The following ADGRB3 variants were observed in gnomAD, a reference collection of about 807,000 sequenced individuals.
The protein encoded by ADGRB3 is brain-specific angiogenesis inhibitor 3.
In ADGRB3, 37 loss-of-function variants were observed where a neutral mutation model predicts 193.4. The ratio of observed to expected loss-of-function variants is 0.19; its 90% CI spans 0.15 to 0.25. The LOEUF (loss-of-function observed/expected upper bound fraction) is 0.25, where lower values mean the gene tolerates loss of function less well. ADGRB3 is among the 10% of genes least tolerant of loss of function. The pLI, the probability that ADGRB3 is intolerant of heterozygous loss-of-function variation, is 1.00. For missense variants in ADGRB3, 1,637 were observed against 1,852.9 expected, an observed-to-expected ratio of 0.88 and a Z score of 2.14; for synonymous variants, 690 against 644.2, an observed-to-expected ratio of 1.07 and a Z score of -1.08.
At chr6:69,044,456 C>T (rs1771182366) in intron 13 of ADGRB3, among the ~76,000 whole-genome samples, 2 of 152,182 alleles carry the variant, frequency 1.3e-5, no homozygotes, top group South Asian at 2.1e-4. Flanking sequence ...AATTATTATC[C>T]TGCTTTGATG....
intron 15 of ADGRB3, among the ~76,000 whole-genome samples, chr6:69,054,557 T>C (rs1373298355): frequency 6.6e-6 from 1 of 152,188 alleles, no homozygotes; most frequent in African/African-American, 2.4e-5. Context: ...CTTTTTAGAA[T>C]GTCTTCTCAT....
intron 17 of ADGRB3, among the ~76,000 whole-genome samples, chr6:69,083,193 G>C (rs978960998): frequency 2.6e-5 from 4 of 152,180 alleles, no homozygotes; most frequent in Admixed American, 2.6e-4. Flanking sequence ...CTCACAGCAT[G>C]CCTGTAGAGA....
chr6:68,949,528 T>A (rs62418272), intron 6 of ADGRB3, among the ~76,000 whole-genome samples: 14,554 of 152,216 alleles, frequency 0.096, 919 homozygotes, highest in Non-Finnish European at 0.14. Context: ...TATGGGAGGA[T>A]GCCCTGCCCT....
At chr6:68,640,573 A>C (rs914208721) in intron 3 of ADGRB3, among the ~76,000 whole-genome samples, 1 of 152,208 alleles carries the variant, frequency 6.6e-6, no homozygotes, top group Non-Finnish European at 1.5e-5. Context: ...TGATTGCCAC[A>C]AAGATCCCAG....
Position 68,727,617 on chromosome 6 carries a change from A to G in ADGRB3, c.757+88185A>G, listed in dbSNP as rs555726672. On this transcript the variant is annotated intron_variant, in intron 3 of 31. Coordinates refer to ENST00000370598, the MANE Select transcript of ADGRB3 (RefSeq NM_001704.3). ...GAAAAGTCACTCTTTAGACTAAAAA[A>G]AAGTTCATCATTGTGAGGCATCACT... 5.3e-5 allele frequency among the ~76,000 whole-genome samples: 8 copies of G among 151,684 alleles called. No homozygotes were observed. In the East Asian group the frequency reaches 1.6e-3, roughly 30 times the overall value.
intron 10 of ADGRB3, among the ~76,000 whole-genome samples, chr6:68,992,011 C>T (rs539606963): frequency 1.3e-5 from 2 of 152,134 alleles, no homozygotes; most frequent in Admixed American, 6.6e-5. Context: ...TTCACTGCAA[C>T]AAAATTTTGC....
At chr6:69,219,493 A>G (rs1241955819) in intron 17 of ADGRB3, among the ~76,000 whole-genome samples, 2 of 135,946 alleles carry the variant, frequency 1.5e-5, no homozygotes, top group African/African-American at 5.3e-5. Context: ...ATATATATAT[A>G]CGTGTGTGTG....
Position 69,065,755 on chromosome 6 carries a change from GTATA to G in ADGRB3, c.2436+2726_2436+2729del, listed in dbSNP as rs58674430. On this transcript the variant is annotated intron_variant, in intron 16 of 31. Transcript: ENST00000370598. ...TTATTAGAACAAGCCTGAACTTCAT[GTATA>G]TATATACACACACACACACACACAC... 2.0e-3 allele frequency among the ~76,000 whole-genome samples: 282 copies of G among 138,860 alleles called. 5 individuals are homozygous for G. Among genetic ancestry groups the G allele is most frequent in the Middle Eastern group, 3.6e-3 (1 of 274 alleles). 91.1% of individuals were successfully genotyped at this position (138,860 alleles called of 152,430 possible).
chr6:69,143,558 A>G (rs1362568556), intron 17 of ADGRB3, among the ~76,000 whole-genome samples: 1 of 152,178 alleles, frequency 6.6e-6, no homozygotes, highest in Non-Finnish European at 1.5e-5. Flanking sequence ...TGATATTTGT[A>G]TATGCCAAGA....
chr6:69,180,783 C>A (rs371014088), intron 17 of ADGRB3, among the ~76,000 whole-genome samples: 2 of 152,188 alleles, frequency 1.3e-5, no homozygotes, highest in Non-Finnish European at 2.9e-5. Flanking sequence ...GGCCCCTACC[C>A]GACTCCAGAG....
At chr6:68,640,906 G>A (rs574500174) in intron 3 of ADGRB3, among the ~76,000 whole-genome samples, 5 of 152,322 alleles carry the variant, frequency 3.3e-5, no homozygotes, top group Admixed American at 3.3e-4. Context: ...CTGCAGGTCA[G>A]TGTTTCACTA....
intron 3 of ADGRB3, among the ~76,000 whole-genome samples, chr6:68,835,933 G>A (rs1160277562): frequency 1.3e-5 from 2 of 152,108 alleles, no homozygotes; most frequent in African/African-American, 4.8e-5. Context: ...TTAGCTGGTG[G>A]ATCCTGGGAC....
intron 3 of ADGRB3, among the ~76,000 whole-genome samples, chr6:68,899,036 T>C (rs1266942282): frequency 1.3e-5 from 2 of 152,136 alleles, no homozygotes; most frequent in African/African-American, 2.4e-5. Flanking sequence ...TGGGCTTCAG[T>C]TAATAATATC....
At chr6:69,040,367 T>TTCTTTCTTTCTC (rs1771012200) in intron 13 of ADGRB3, among the ~76,000 whole-genome samples, 1 of 54,218 alleles carries the variant, frequency 1.8e-5, no homozygotes, top group Non-Finnish European at 4.0e-5. Flanking sequence ...CTTTCTTTCT[T>TTCTTTCTTTCTC]TCTTTCTTTC....
At chr6:69,008,672 T>C (rs1438582075) in intron 11 of ADGRB3, among the ~76,000 whole-genome samples, 2 of 152,058 alleles carry the variant, frequency 1.3e-5, no homozygotes, top group African/African-American at 4.8e-5. Context: ...TGAACTGGGT[T>C]TTTGAAGTTC....
In ADGRB3 at chr6:69,205,926, C is replaced by T. The variant is rs1369450242; in HGVS notation, c.2481-27364C>T. 4.6e-5 allele frequency among the ~76,000 whole-genome samples: 7 copies of T among 150,886 alleles called. No individual in the cohort carries two copies. In the South Asian group the frequency reaches 6.3e-4, roughly 14 times the overall value. On this transcript the variant is annotated intron_variant, in intron 17 of 31. Transcript: ENST00000370598. ...TCAGCCTCTCAAGTACCTGGGACTA[C>T]AGGCATGGATCACCACACCAAGCTA...
At chr6:68,940,285 T>G (rs1258649548) in intron 5 of ADGRB3, among the ~76,000 whole-genome samples, 7 of 152,152 alleles carry the variant, frequency 4.6e-5, no homozygotes, top group Non-Finnish European at 1.5e-5. Flanking sequence ...TCATTACTAC[T>G]GACATTTTGA....
intron 8 of ADGRB3, among the ~76,000 whole-genome samples, chr6:68,965,805 A>C (rs1410941642): frequency 6.6e-6 from 1 of 152,174 alleles, no homozygotes; most frequent in Non-Finnish European, 1.5e-5. Flanking sequence ...CAAAGAGAGA[A>C]TCCTTCCTAT....
chr6:68,886,919 A>T (rs970268571), intron 3 of ADGRB3, among the ~76,000 whole-genome samples: 2 of 151,552 alleles, frequency 1.3e-5, no homozygotes, highest in African/African-American at 4.8e-5. Flanking sequence ...CATCCCTATA[A>T]CTTCAATGAA....
Sources: gnomAD v4.1 joint callset for allele counts (sites outside exome capture counted in the v4.1 genomes callset) on GRCh38, gnomAD v4.1.1 for gene constraint, MANE v1.5 for transcripts, NCBI Gene and HGNC (gene_info 2026-07-23, HGNC 2026-07-21) for gene names.